SKIC3: variants seen among roughly 807,000 people sequenced by gnomAD.
SKIC3 encodes SKI3 subunit of superkiller complex, also known as superkiller complex protein 3.
At chr5:95,552,560 T>C in the SKIC3 span, among the ~76,000 whole-genome samples, 36,713 of 151,876 alleles carry the variant, frequency 0.24, 5,930 homozygotes, top group African/African-American at 0.46. Context: ...AATCAGTAGA[T>C]GTTTATTGAG....
the SKIC3 span, chr5:95,527,887 G>A: frequency 1.0e-6 from 1 of 986,506 alleles, no homozygotes; most frequent in Middle Eastern, 2.1e-4. Flanking sequence ...TAAAAGTGCA[G>A]ATGTGGTGAA....
At chr5:95,527,505 C>T in the SKIC3 span, among the ~76,000 whole-genome samples, 2 of 152,252 alleles carry the variant, frequency 1.3e-5, no homozygotes, top group African/African-American at 4.8e-5. Context: ...GGGCATAATG[C>T]TATAATTCAT....
chr5:95,464,771 G>C, the SKIC3 span: 1 of 1,068,460 alleles, frequency 9.4e-7, no homozygotes, highest in Non-Finnish European at 1.4e-6. Flanking sequence ...TCCAAGGGCG[G>C]CAGTCTTGAA....
chr5:95,503,911 G>A, the SKIC3 span: 1 of 1,613,854 alleles, frequency 6.2e-7, no homozygotes, highest in South Asian at 1.1e-5. Flanking sequence ...TAAAAGCCTG[G>A]ATAGCTTTAT....
the SKIC3 span, among the ~76,000 whole-genome samples, chr5:95,502,405 T>C: frequency 6.6e-6 from 1 of 152,282 alleles, no homozygotes; most frequent in Non-Finnish European, 1.5e-5. Flanking sequence ...TAACCACAAA[T>C]AACACAGGTC....
the SKIC3 span, chr5:95,529,187 C>A: frequency 9.2e-7 from 1 of 1,089,700 alleles, no homozygotes; most frequent in Non-Finnish European, 1.4e-6. Context: ...CCAAATCAGA[C>A]TCCTCCCCTC....
chr5:95,501,573 C>G, the SKIC3 span, among the ~76,000 whole-genome samples: 1 of 151,660 alleles, frequency 6.6e-6, no homozygotes, highest in Non-Finnish European at 1.5e-5. Context: ...TGGGTGAAGA[C>G]AGGCAGAAAA....
chr5:95,543,292 G>C, the SKIC3 span: 1 of 1,613,920 alleles, frequency 6.2e-7, no homozygotes, highest in East Asian at 2.2e-5. Flanking sequence ...TAAAAACCCA[G>C]GCATTATAGT....
At chr5:95,499,884 T>C in the SKIC3 span, among the ~76,000 whole-genome samples, 3 of 152,126 alleles carry the variant, frequency 2.0e-5, no homozygotes, top group Non-Finnish European at 2.9e-5. Flanking sequence ...CTTAGCCTTA[T>C]GGAGGAAAAT....
At chr5:95,504,934 G>A in the SKIC3 span, among the ~76,000 whole-genome samples, 15 of 152,240 alleles carry the variant, frequency 9.9e-5, no homozygotes, top group African/African-American at 3.6e-4. Context: ...GAACCCGGGA[G>A]GCGGAGGTTG....
the SKIC3 span, among the ~76,000 whole-genome samples, chr5:95,511,512 A>C: frequency 6.6e-6 from 1 of 152,216 alleles, no homozygotes; most frequent in Non-Finnish European, 1.5e-5. Context: ...TGATGTTTGT[A>C]AATTAATTGC....
At chr5:95,541,468 G>T in the SKIC3 span, 1 of 1,208,998 alleles carries the variant, frequency 8.3e-7, no homozygotes. Context: ...TAAAATTTAA[G>T]TATTCCAATA....
chr5:95,500,451 T>G, the SKIC3 span, among the ~76,000 whole-genome samples: 1 of 152,204 alleles, frequency 6.6e-6, no homozygotes, highest in African/African-American at 2.4e-5. Flanking sequence ...AAATCGTTAG[T>G]TCCTTGTTGT....
the SKIC3 span, chr5:95,520,585 T>C: frequency 2.9e-6 from 2 of 700,134 alleles, no homozygotes; most frequent in Non-Finnish European, 4.7e-6. Flanking sequence ...AGAATTGGCT[T>C]GTCTGTTATT....
the SKIC3 span, chr5:95,504,084 G>GGC: frequency 3.3e-5 from 12 of 364,908 alleles, no homozygotes; most frequent in Admixed American, 4.3e-4. Context: ...CCAGGCGGGG[G>GGC]GTGGGGGTGG....
chr5:95,522,028 C>A, the SKIC3 span: 18 of 1,612,194 alleles, frequency 1.1e-5, no homozygotes, highest in South Asian at 2.0e-4. Context: ...TCATAAAAGT[C>A]AAAGGAGCTA....
At chr5:95,507,010 C>T in the SKIC3 span, 1 of 1,605,372 alleles carries the variant, frequency 6.2e-7, no homozygotes, top group Non-Finnish European at 8.5e-7. Context: ...AACAAAATTG[C>T]CCTTAAAAAA....
At chr5:95,524,623 G>A in the SKIC3 span, 20 of 1,611,198 alleles carry the variant, frequency 1.2e-5, no homozygotes, top group Non-Finnish European at 8.5e-7. Flanking sequence ...AAAAGAAATA[G>A]TAAAACAAAT....
chr5:95,482,663 A>C, the SKIC3 span: 1 of 1,612,486 alleles, frequency 6.2e-7, no homozygotes, highest in Non-Finnish European at 8.5e-7. Flanking sequence ...GGAACACATC[A>C]AATAGGTTCT....
Sources: gnomAD v4.1 joint callset for allele counts (sites outside exome capture counted in the v4.1 genomes callset) on GRCh38, gnomAD v4.1.1 for gene constraint, MANE v1.5 for transcripts, NCBI Gene and HGNC (gene_info 2026-07-23, HGNC 2026-07-21) for gene names.